ARSA: variants seen among roughly 807,000 people sequenced by gnomAD.
The protein encoded by ARSA is cerebroside-sulfatase.
Under a neutral mutation model 37.8 loss-of-function variants are expected in ARSA, and 32 were observed. The ratio of observed to expected loss-of-function variants is 0.85; its 90% CI spans 0.64 to 1.14. The LOEUF (loss-of-function observed/expected upper bound fraction) is 1.14, where lower values mean the gene tolerates loss of function less well. Ranked by LOEUF, ARSA falls within the 50% of genes most tolerant of loss-of-function variation. ARSA has a pLI of 0.00. For missense variants in ARSA, 685 were observed against 686.3 expected, an observed-to-expected ratio of 1.00 and a Z score of 0.02; for synonymous variants, 303 against 303.4, an observed-to-expected ratio of 1.00 and a Z score of 0.01.
At chr22:50,626,311 G>T in intron 4 of ARSA, 33 bp from the exon 5 acceptor site, 1 of 1,605,738 alleles carries the variant, frequency 6.2e-7, no homozygotes, top group Non-Finnish European at 8.5e-7. Context: ...GAGCCATGGA[G>T]CCACAGCCTC....
rs1569083137 is a variant in ARSA, at chr22:50,628,075, C to T, written c.-296G>A. Reference sequence around the variant, plus strand: ...GGGGCGTAAGTCACTTGGCGCTGACCAGCGGAGTCGGGCCGGGGGGAAGGC... The same window carrying T: ...GGGGCGTAAGTCACTTGGCGCTGACTAGCGGAGTCGGGCCGGGGGGAAGGC... On this transcript the variant is annotated 5_prime_UTR_variant, in exon 1 of 8. Transcript: ENST00000216124. 1 of 409,820 alleles carries T rather than the reference C, an allele frequency of 2.4e-6. No individual in the cohort carries two copies. The highest frequency in any genetic ancestry group is 4.5e-6 in the Non-Finnish European group (1 of 221,098). 25.4% of individuals were successfully genotyped at this position (409,820 alleles called of 1,614,324 possible). A position where few individuals can be genotyped will look rare whatever the true frequency, so the allele number is the denominator to read the frequency against.
In ARSA at chr22:50,625,550, G is replaced by A. The variant is rs373829750; in HGVS notation, c.1210+29C>T. The A allele has an allele frequency of 3.4e-4, 552 of 1,609,356 alleles. 1 individual carries two copies. Among genetic ancestry groups the A allele is most frequent in the Non-Finnish European group, 4.4e-4 (517 of 1,176,694 alleles). On this transcript the variant is annotated intron_variant, in intron 7 of 7. Transcript: ENST00000216124. ...GGCTCCGGGGAGGGGTCAGCAGGTC[G>A]GGGGGAGGGATCCACGGGGAGGGGT...
In ARSA at chr22:50,625,286, C is replaced by T; in HGVS notation, c.1389G>A (p.Leu463=). Residue 463 remains leucine (L), a synonymous_variant, in exon 8 of 8, where the codon CTG becomes CTA. Transcript: ENST00000216124. ...EVLQALKQLQ[L]LKAQLDAAVT... ...CAGCTGCGTCTAACTGGGCCTTGAG[C>T]AGCTGAAGCTGTTTCAGGGCTTGCA... The T allele has an allele frequency of 6.2e-7, 1 of 1,612,956 alleles. No individual in the cohort carries two copies. Among genetic ancestry groups the T allele is most frequent in the South Asian group, 1.1e-5 (1 of 91,074 alleles).
At position 50,626,728 on chromosome 22, in the gene ARSA, G is replaced by T; in HGVS notation, c.717C>A (p.Ser239Arg). The T allele has an allele frequency of 6.2e-7, 1 of 1,614,074 alleles. No homozygotes were observed. Among genetic ancestry groups the T allele is most frequent in the Non-Finnish European group, 8.5e-7 (1 of 1,179,966 alleles). ...HTHYPQFSGQ[S>R]FAERSGRGPF... is the part of the protein sequence containing the mutation. ...GCCCGCGGCCTGAACGCTCTGCAAA[G>T]CTCTGCCCACTGAACTGAGGGTAGT... The change falls in exon 4 of 8, where the codon AGC (serine) becomes AGA (arginine). Residue 239 changes from serine (S) to arginine (R), a missense_variant. Ser to Arg is a moderately radical substitution (Grantham distance 110). Coordinates refer to ENST00000216124, the MANE Select transcript of ARSA (RefSeq NM_000487.6).
In ARSA at chr22:50,624,105, CTT is replaced by C. The variant is rs1401333841; in HGVS notation, c.*1038_*1039del. ...TTGTTTTTTGAGACAGAGTTTTTCTCTTGTTGCCCAGGCTGGAGTGCAATGGT... is the reference window on the plus strand; with the variant it reads ...TTGTTTTTTGAGACAGAGTTTTTCTCGTTGCCCAGGCTGGAGTGCAATGGT... On this transcript the variant is annotated 3_prime_UTR_variant, in exon 8 of 8. Transcript: ENST00000216124. Among the ~76,000 whole-genome samples the C allele has an allele frequency of 6.6e-6, 1 of 151,616 alleles. No individual in the cohort carries two copies. Among genetic ancestry groups the C allele is most frequent in the African/African-American group, 2.4e-5 (1 of 41,268 alleles).
chr22:50,626,061 C>T lies in ARSA; in HGVS notation c.982G>A (p.Val328Met), dbSNP rs143994992. Residue 328 changes from valine (V) to methionine (M), a missense_variant and splice_region_variant, in exon 6 of 8, where the codon GTG (valine) becomes ATG (methionine). Transcript: ENST00000216124. ...AFWPGHIAPG[V>M]THELASSLDL... The stretch of plus-strand genomic sequence containing the variant: ...AGGGAGCTGGCCAGCTCGTGGGTCA[C>T]GCCTGGGGGCAGGAGGCTGGTCAGT... The T allele has an allele frequency of 1.4e-4, 221 of 1,595,018 alleles. 1 individual carries two copies. The East Asian group carries it at 3.5e-3, about 25-fold the overall frequency.
rs74315480 is a variant in ARSA, at chr22:50,625,615, G to C, written c.1174C>G (p.Arg392Gly). The C allele has an allele frequency of 6.2e-7, 1 of 1,613,700 alleles. No individual in the cohort carries two copies. The highest frequency in any genetic ancestry group is 8.5e-7 in the Non-Finnish European group (1 of 1,179,976). ...AAGTGAGCCTTGTACTTTCCAGTCC[G>C]CACAGCAAAAACCCCACGGACCTCG... is the stretch of plus-strand genomic sequence containing the variant. ...PDEVRGVFAV[R>G]TGKYKAHFFT... Residue 392 changes from arginine to glycine, a missense_variant, in exon 7 of 8, where the codon CGG becomes GGG. Coordinates refer to ENST00000216124, the MANE Select transcript of ARSA (RefSeq NM_000487.6).
chr22:50,626,450 A>T lies in ARSA; in HGVS notation c.854+141T>A. ...TCTCTGTGCACTGTGTCTCCTGACT[A>T]CACCTTGGGCCCCTGCAACGTGGCC... On this transcript the variant is annotated intron_variant, in intron 4 of 7. Transcript: ENST00000216124. 2.0e-6 allele frequency: 3 copies of T among 1,481,914 alleles called. No homozygotes were observed. In the South Asian group the frequency reaches 3.6e-5, roughly 18 times the overall value. The allele number at this position is 1,481,914 out of a possible 1,614,324, so 91.8% of individuals were successfully genotyped here.
In ARSA at chr22:50,627,500, T is replaced by C. The variant is rs940860734; in HGVS notation, c.224+56A>G. On this transcript the variant is annotated intron_variant, in intron 1 of 7. Transcript: ENST00000216124. The stretch of plus-strand genomic sequence containing the variant: ...GTTTTTCCCGCCCCCCTGCAATCCA[T>C]TGGGAGGAAAGGGATGGAGGGTCGG... 59 of 1,581,230 alleles carry C rather than the reference T, an allele frequency of 3.7e-5. No individual in the cohort carries two copies. The highest frequency in any genetic ancestry group is 9.1e-5 in the Admixed American group (5 of 55,116).
At position 50,627,769 on chromosome 22, in the gene ARSA, C is replaced by T. The variant is rs1386135422; in HGVS notation, c.11G>A (p.Gly4Glu). 3 of 1,545,624 alleles carry T rather than the reference C, an allele frequency of 1.9e-6. No individual in the cohort carries two copies. Among genetic ancestry groups the T allele is most frequent in the Non-Finnish European group, 2.6e-6 (3 of 1,146,908 alleles). MSM[G>E]APRSLLLALA... ...GGCCAGGAGGAGGGACCGCGGTGCC[C>T]CCATGGACATGGGACCGAGGGGTCT... The change falls in exon 1 of 8, where the codon GGG (glycine) becomes GAG (glutamate). Residue 4 changes from glycine to glutamate, a missense_variant. By Grantham distance (98) the Gly-to-Glu change is moderately conservative. Coordinates refer to ENST00000216124, the MANE Select transcript of ARSA (RefSeq NM_000487.6).
At position 50,625,592 on chromosome 22, in the gene ARSA, G is replaced by C. The variant is rs752206330; in HGVS notation, c.1197C>G (p.His399Gln). The C allele has an allele frequency of 5.6e-6, 9 of 1,613,420 alleles. No homozygotes were observed. Among genetic ancestry groups the C allele is most frequent in the Non-Finnish European group, 6.8e-6 (8 of 1,179,942 alleles). The stretch of plus-strand genomic sequence containing the variant: ...GGGAGGGGTTACCCTGGGTGAAGAA[G>C]TGAGCCTTGTACTTTCCAGTCCGCA... The part of the protein sequence containing the change: ...FAVRTGKYKA[H>Q]FFTQGSAHSD... The change falls in exon 7 of 8, where the codon CAC (histidine) becomes CAG (glutamine). Residue 399 changes from histidine (H) to glutamine (Q), a missense_variant. Coordinates refer to ENST00000216124, the MANE Select transcript of ARSA (RefSeq NM_000487.6).
chr22:50,627,493 C>A, intron 1 of ARSA, 63 bp downstream of exon 1: 1 of 1,585,432 alleles, frequency 6.3e-7, no homozygotes, highest in Non-Finnish European at 8.6e-7. Context: ...CGCCCCCCTG[C>A]AATCCATTGG....
chr22:50,626,933 C>A lies in ARSA; in HGVS notation c.585G>T (p.Trp195Cys), dbSNP rs6151415. 0.068 allele frequency: 110,485 copies of A among 1,613,172 alleles called. 4,413 individuals are homozygous for A. Among genetic ancestry groups the A allele is most frequent in the Non-Finnish European group, 0.08 (94,894 of 1,179,954 alleles). The change falls in exon 3 of 8, where the codon TGG becomes TGT. Residue 195 changes from tryptophan (W) to cysteine (C), a missense_variant. Coordinates refer to ENST00000216124, the MANE Select transcript of ARSA (RefSeq NM_000487.6). ...ANLSVEAQPP[W>C]LPGLEARYMA... The stretch of plus-strand genomic sequence containing the variant: ...TGTAGCGGGCCTCTAGTCCGGGCAG[C>A]CAGGGGGGCTGCGCCTCCACGGACA...
chr22:50,625,887 A>C, intron 6 of ARSA, 49 bp downstream of exon 6: 1 of 1,559,714 alleles, frequency 6.4e-7, no homozygotes, highest in Non-Finnish European at 8.7e-7. Flanking sequence ...CCCCAGGGGA[A>C]GGCCAGGACA....
rs1421675877 is a variant in ARSA at position 50,625,689 on chromosome 22, C to T, written c.1108-8G>A. Reference sequence around the variant, plus strand: ...GAGAGACTGCCGAGGGCTCTGGGGGCAGAGTCAGGGGTCACGGGGCGGGGC... The same window carrying T: ...GAGAGACTGCCGAGGGCTCTGGGGGTAGAGTCAGGGGTCACGGGGCGGGGC... On this transcript the variant is annotated splice_region_variant and splice_polypyrimidine_tract_variant and intron_variant, in intron 6 of 7. Transcript: ENST00000216124. The T allele has an allele frequency of 6.2e-7, 1 of 1,612,468 alleles. No homozygotes were observed. The highest frequency in any genetic ancestry group is 8.5e-7 in the Non-Finnish European group (1 of 1,179,120).
chr22:50,625,756 T>C (rs1432991575), intron 6 of ARSA, 75 bp from the exon 7 acceptor site: 1 of 1,567,750 alleles, frequency 6.4e-7, no homozygotes, highest in Non-Finnish European at 8.8e-7. Flanking sequence ...CCAGCCCTGG[T>C]GGGAGGCCCT....
At chr22:50,626,458 G>T (rs2082670332) in intron 4 of ARSA, 133 bp downstream of exon 4, 1 of 1,496,368 alleles carries the variant, frequency 6.7e-7, no homozygotes, top group East Asian at 2.4e-5. Context: ...CTACACCTTG[G>T]GCCCCTGCAA....
Position 50,627,839 on chromosome 22 carries a change from G to A in ARSA, c.-60C>T, listed in dbSNP as rs878882870. On this transcript the variant is annotated 5_prime_UTR_variant, in exon 1 of 8. Coordinates refer to ENST00000216124, the MANE Select transcript of ARSA (RefSeq NM_000487.6). Reference sequence around the variant, plus strand: ...TACTTGGCTCCAGCAGGCTCTTTCCGATACCGCAGACCCAGGCGCCGCCCT... The same window carrying A: ...TACTTGGCTCCAGCAGGCTCTTTCCAATACCGCAGACCCAGGCGCCGCCCT... The A allele has an allele frequency of 4.2e-5, 62 of 1,468,962 alleles. No individual in the cohort carries two copies. In the Admixed American group the frequency reaches 1.0e-3, roughly 25 times the overall value. The allele number at this position is 1,468,962 out of a possible 1,614,324, so 91.0% of individuals were successfully genotyped here.
Position 50,623,898 on chromosome 22 carries a change from C to A in ARSA, c.*1247G>T, listed in dbSNP as rs2082622668. 2 of 141,864 alleles carry A rather than the reference C, an allele frequency of 1.4e-5. No individual in the cohort carries two copies. The highest frequency in any genetic ancestry group is 3.1e-5 in the Non-Finnish European group (2 of 64,146). The allele number at this position is 141,864 out of a possible 1,614,324, so 8.8% of individuals were successfully genotyped here. On this transcript the variant is annotated 3_prime_UTR_variant, in exon 8 of 8. Transcript: ENST00000216124. ...TGGGCGACAGAGCGAGACTCCGTCT[C>A]AAAAAAAAAAAAAAAAAAAAAAAAA...
Sources: gnomAD v4.1 joint callset for allele counts (sites outside exome capture counted in the v4.1 genomes callset) on GRCh38, gnomAD v4.1.1 for gene constraint, MANE v1.5 for transcripts, NCBI Gene and HGNC (gene_info 2026-07-23, HGNC 2026-07-21) for gene names.